The following PLXNA4 variants were observed in gnomAD, a reference collection of about 807,000 sequenced individuals.
PLXNA4 encodes the protein plexin A4, also known as plexin-A4.
In PLXNA4, 44 loss-of-function variants were observed where a neutral mutation model predicts 191.8. That is an observed-to-expected ratio of 0.23 (90% confidence interval 0.18 to 0.29). The LOEUF is 0.29. Among genes scored for constraint, PLXNA4 ranks in the 10% least tolerant of loss-of-function variants. PLXNA4 has a pLI of 1.00. For synonymous variants in PLXNA4, 1,082 were observed against 1,009.5 expected, an observed-to-expected ratio of 1.07 and a Z score of -1.36; for missense variants, 1,800 against 2,488.8, an observed-to-expected ratio of 0.72 and a Z score of 5.89.
At chr7:132,364,234 A>G (rs945779398) in intron 3 of PLXNA4, among the ~76,000 whole-genome samples, 2 of 152,272 alleles carry the variant, frequency 1.3e-5, no homozygotes, top group African/African-American at 4.8e-5. Context: ...CATTTTGGTT[A>G]TGACATACTG....
At chr7:132,642,875 T>C (rs1803770719) in intron 2 of PLXNA4, among the ~76,000 whole-genome samples, 1 of 152,196 alleles carries the variant, frequency 6.6e-6, no homozygotes, top group African/African-American at 2.4e-5. Flanking sequence ...CAAAAGGTGC[T>C]AGATAGAAAG....
intron 5 of PLXNA4, 87 bp from the exon 6 acceptor site, chr7:132,228,556 CTCCCAGGATGTG>C: frequency 6.4e-7 from 1 of 1,551,098 alleles, no homozygotes; most frequent in Non-Finnish European, 8.8e-7. Context: ...TTTCCAGCAG[CTCCCAGGATGTG>C]TCCAAACTCA....
chr7:132,450,379 T>A (rs1796074902), intron 3 of PLXNA4, among the ~76,000 whole-genome samples: 1 of 152,216 alleles, frequency 6.6e-6, no homozygotes, highest in East Asian at 1.9e-4. Flanking sequence ...GGTAGGTCTT[T>A]GCTCAGAGGT....
intron 2 of PLXNA4, among the ~76,000 whole-genome samples, chr7:132,584,183 G>A (rs908639827): frequency 6.6e-6 from 1 of 152,072 alleles, no homozygotes; most frequent in Non-Finnish European, 1.5e-5. Flanking sequence ...CCCAGTTCAG[G>A]GTCAGAGTAG....
At chr7:132,561,868 T>C (rs1219633744) in intron 1 of PLXNA4, among the ~76,000 whole-genome samples, 132 of 67,962 alleles carry the variant, frequency 1.9e-3, no homozygotes, top group African/African-American at 2.0e-3. Flanking sequence ...TCCTCCTCTT[T>C]CTCCTCCTCC....
intron 3 of PLXNA4, among the ~76,000 whole-genome samples, chr7:132,438,722 G>A (rs1795571565): frequency 6.6e-6 from 1 of 152,134 alleles, no homozygotes; most frequent in Admixed American, 6.5e-5. Flanking sequence ...CTCAATAGCT[G>A]TTTTTAAAAA....
chr7:132,362,970 C>G (rs1052516215), intron 3 of PLXNA4, among the ~76,000 whole-genome samples: 2 of 152,174 alleles, frequency 1.3e-5, no homozygotes, highest in Admixed American at 1.3e-4. Context: ...TTACCACCAT[C>G]TATCTTCAAA....
At chr7:132,190,630 T>A (rs1797055690) in intron 14 of PLXNA4, among the ~76,000 whole-genome samples, 1 of 152,174 alleles carries the variant, frequency 6.6e-6, no homozygotes, top group African/African-American at 2.4e-5. Flanking sequence ...GAAAAGAAAG[T>A]CCTGGGCTTC....
At chr7:132,220,609 G>A (rs902594145) in intron 9 of PLXNA4, among the ~76,000 whole-genome samples, 7 of 151,734 alleles carry the variant, frequency 4.6e-5, no homozygotes, top group Admixed American at 1.3e-4. Flanking sequence ...TCCTTCTCTC[G>A]GCCATTTCCT....
At chr7:132,290,614 A>G (rs28436253) in intron 4 of PLXNA4, among the ~76,000 whole-genome samples, 33,355 of 152,184 alleles carry the variant, frequency 0.22, 3,821 homozygotes, top group Middle Eastern at 0.33. Flanking sequence ...AGCAAGAAGG[A>G]GGCTAACAGA....
At chr7:132,532,511 T>G (rs1799658996) in intron 1 of PLXNA4, among the ~76,000 whole-genome samples, 1 of 152,206 alleles carries the variant, frequency 6.6e-6, no homozygotes, top group Admixed American at 6.5e-5. Flanking sequence ...CTTTCCTGCC[T>G]TGTTTGAAAA....
At chr7:132,189,032 G>GAGAGAGAA (rs1797002228) in intron 14 of PLXNA4, among the ~76,000 whole-genome samples, 13 of 36,326 alleles carry the variant, frequency 3.6e-4, no homozygotes, top group Non-Finnish European at 6.1e-4. Flanking sequence ...GAGAGAGAAA[G>GAGAGAGAA]AGAGAGAGAG....
chr7:132,315,784 C>T (rs578065770), intron 3 of PLXNA4, among the ~76,000 whole-genome samples: 21 of 152,172 alleles, frequency 1.4e-4, no homozygotes, highest in African/African-American at 5.1e-4. Flanking sequence ...ATAGCAGGAG[C>T]CATGAGGAAG....
At chr7:132,445,879 G>T (rs2117272848) in intron 3 of PLXNA4, among the ~76,000 whole-genome samples, 1 of 152,248 alleles carries the variant, frequency 6.6e-6, no homozygotes, top group Middle Eastern at 3.4e-3. Flanking sequence ...AGCCTCTCAG[G>T]CTCACGTGAT....
chr7:132,440,261 T>C (rs1795644941), intron 3 of PLXNA4, among the ~76,000 whole-genome samples: 2 of 152,182 alleles, frequency 1.3e-5, no homozygotes, highest in South Asian at 4.1e-4. Flanking sequence ...TCTCAATTCT[T>C]TGAGGTTGCT....
intron 3 of PLXNA4, among the ~76,000 whole-genome samples, chr7:132,405,593 A>G (rs969375713): frequency 6.6e-6 from 1 of 152,116 alleles, no homozygotes; most frequent in African/African-American, 2.4e-5. Context: ...GGCCTCCTCA[A>G]TCTGGAGCCC....
chr7:132,277,818 T>C (rs1283469341), intron 4 of PLXNA4, among the ~76,000 whole-genome samples: 1 of 152,186 alleles, frequency 6.6e-6, no homozygotes, highest in Non-Finnish European at 1.5e-5. Flanking sequence ...TTTTAGACTT[T>C]GCAGAGGCCA....
intron 2 of PLXNA4, among the ~76,000 whole-genome samples, chr7:132,493,625 T>G (rs1797888450): frequency 6.6e-6 from 1 of 152,152 alleles, no homozygotes; most frequent in African/African-American, 2.4e-5. Context: ...CCACGTTTTA[T>G]GCATCTTTGT....
chr7:132,580,052 C>T (rs1585383882), upstream of PLXNA4, among the ~76,000 whole-genome samples: 1 of 152,158 alleles, frequency 6.6e-6, no homozygotes, highest in African/African-American at 2.4e-5. Context: ...TCAATGATAC[C>T]TCATCTCTCA....
Sources: allele counts gnomAD v4.1 joint callset (sites outside exome capture counted in the v4.1 genomes callset), GRCh38; gene constraint gnomAD v4.1.1; transcripts MANE v1.5; gene names NCBI Gene and HGNC (gene_info 2026-07-23, HGNC 2026-07-21).